The following ANO3 variants were observed in gnomAD, a reference collection of about 807,000 sequenced individuals.
ANO3 encodes anoctamin-3.
Under a neutral mutation model 144.8 loss-of-function variants are expected in ANO3, and 99 were observed. The observed-to-expected ratio is 0.68, with a 90% CI of 0.58 to 0.81. ANO3 has a LOEUF of 0.81. ANO3 is among the 30% of genes least tolerant of loss of function. ANO3 has a pLI of 0.00. For missense variants in ANO3, 905 were observed against 1,202.2 expected (o/e 0.75, Z 3.66); for synonymous variants, 414 against 392.6 (o/e 1.05, Z -0.64).
intron 1 of ANO3, among the ~76,000 whole-genome samples, chr11:26,395,739 CA>C (rs148257144): frequency 0.27 from 40,319 of 151,896 alleles, 5,995 homozygotes; most frequent in African/African-American, 0.4. Context: ...ACTGGCTAGC[CA>C]TATACAGAAA....
chr11:26,522,880 T>G (rs935657235), intron 6 of ANO3, among the ~76,000 whole-genome samples: 1 of 152,112 alleles, frequency 6.6e-6, no homozygotes, highest in African/African-American at 2.4e-5. Flanking sequence ...TTTTTTTTAA[T>G]ATAGCCAAAC....
At chr11:26,296,660 G>A (rs111299812) in intron 1 of ANO3, among the ~76,000 whole-genome samples, 4 of 152,212 alleles carry the variant, frequency 2.6e-5, no homozygotes, top group African/African-American at 9.6e-5. Context: ...GGTGAGACAT[G>A]GGAGATACTT....
intron 4 of ANO3, among the ~76,000 whole-genome samples, chr11:26,507,121 T>C (rs1396098403): frequency 6.6e-6 from 1 of 152,204 alleles, no homozygotes; most frequent in Non-Finnish European, 1.5e-5. Flanking sequence ...GTTCAAGTCC[T>C]GGCTCCTCAT....
chr11:26,329,732 A>G (rs1333064456), upstream of ANO3, among the ~76,000 whole-genome samples: 1 of 152,174 alleles, frequency 6.6e-6, no homozygotes, highest in Non-Finnish European at 1.5e-5. Flanking sequence ...AGGTTGGAGA[A>G]AATCAGGGAT....
chr11:26,565,373 A>G, intron 14 of ANO3: 1 of 1,613,194 alleles, frequency 6.2e-7, no homozygotes, highest in East Asian at 2.2e-5. Flanking sequence ...TGGAACTGTT[A>G]TCAGGAGTTT....
At chr11:26,448,867 G>A (rs1374225618) in intron 3 of ANO3, among the ~76,000 whole-genome samples, 8 of 150,696 alleles carry the variant, frequency 5.3e-5, no homozygotes, top group East Asian at 1.9e-4. Context: ...TCCTGGGTCC[G>A]TCTGCTACCT....
chr11:26,595,460 G>GTTGTTTTTT (rs1301892343), intron 14 of ANO3, among the ~76,000 whole-genome samples: 2 of 101,384 alleles, frequency 2.0e-5, no homozygotes, highest in African/African-American at 4.2e-5. Flanking sequence ...AGATAGAGTT[G>GTTGTTTTTT]TTTTTTTTTT....
chr11:26,382,764 T>C (rs1184676283), intron 1 of ANO3, among the ~76,000 whole-genome samples: 2 of 152,182 alleles, frequency 1.3e-5, no homozygotes, highest in Non-Finnish European at 2.9e-5. Flanking sequence ...ACTGCTTATA[T>C]AATTAGAAGT....
intron 14 of ANO3, among the ~76,000 whole-genome samples, chr11:26,579,587 C>G (rs1301654357): frequency 6.6e-6 from 1 of 152,162 alleles, no homozygotes; most frequent in South Asian, 2.1e-4. Context: ...CATACAAGCT[C>G]TTTAGCTACA....
At chr11:26,363,423 CCT>C (rs756526972) in intron 1 of ANO3, among the ~76,000 whole-genome samples, 4 of 152,036 alleles carry the variant, frequency 2.6e-5, no homozygotes, top group East Asian at 3.9e-4. Context: ...TCTCTGGGGG[CCT>C]CTCTCCTTGA....
chr11:26,637,446 A>G (rs1852997976), intron 20 of ANO3, among the ~76,000 whole-genome samples: 1 of 152,152 alleles, frequency 6.6e-6, no homozygotes, highest in Admixed American at 6.6e-5. Context: ...TTTCATTTCC[A>G]CAGCACCAGT....
At chr11:26,634,434 C>CA (rs1346019937) in intron 19 of ANO3, 119 bp downstream of exon 19, 2 of 632,830 alleles carry the variant, frequency 3.2e-6, no homozygotes. Flanking sequence ...AAAGTTGGCA[C>CA]AAAAAAATAA....
intron 5 of ANO3, among the ~76,000 whole-genome samples, chr11:26,514,055 T>G (rs901042988): frequency 6.6e-6 from 1 of 151,050 alleles, no homozygotes; most frequent in Non-Finnish European, 1.5e-5. Context: ...GGACAAATAT[T>G]CCAAAGAAAC....
intron 1 of ANO3, among the ~76,000 whole-genome samples, chr11:26,408,532 G>A (rs372649020): frequency 1.4e-5 from 2 of 147,972 alleles, no homozygotes; most frequent in Non-Finnish European, 3.0e-5. Context: ...TGGTGGGACT[G>A]TAAACTAGTT....
At chr11:26,471,224 G>T (rs542973317) in intron 4 of ANO3, among the ~76,000 whole-genome samples, 2 of 151,908 alleles carry the variant, frequency 1.3e-5, no homozygotes, top group East Asian at 3.9e-4. Context: ...TGTAGACTCG[G>T]CTTTTCTGTG....
At chr11:26,382,260 A>G (rs1856607751) in intron 1 of ANO3, among the ~76,000 whole-genome samples, 1 of 152,176 alleles carries the variant, frequency 6.6e-6, no homozygotes, top group Non-Finnish European at 1.5e-5. Flanking sequence ...CTCTGCTGAT[A>G]TTATAATAAC....
rs779179292 is a variant in ANO3 at position 26,547,512 on chromosome 11, C to T, written c.1251C>T (p.Phe417=). The change falls in exon 12 of 27, where the codon TTC becomes TTT. Residue 417 remains phenylalanine (F), a synonymous_variant. Transcript: ENST00000256737. ...CAGCAATTGTTGGTTTGTGCGTTTT[C>T]TTCTATGGATTATTTACAATGAATA... ...IPAAIVGLCV[F]FYGLFTMNNS... is the part of the protein sequence containing the mutation. The T allele has an allele frequency of 6.2e-7, 1 of 1,611,894 alleles. No individual in the cohort carries two copies. Among genetic ancestry groups the T allele is most frequent in the South Asian group, 1.1e-5 (1 of 91,038 alleles).
chr11:26,428,300 G>A (rs1262984466), intron 1 of ANO3, among the ~76,000 whole-genome samples: 2 of 152,086 alleles, frequency 1.3e-5, no homozygotes, highest in African/African-American at 4.8e-5. Flanking sequence ...ATATTGAAAA[G>A]GGCCTAAATT....
intron 3 of ANO3, among the ~76,000 whole-genome samples, chr11:26,446,162 G>A (rs1396828652): frequency 2.6e-5 from 4 of 152,050 alleles, no homozygotes; most frequent in East Asian, 1.9e-4. Flanking sequence ...GAAGACGCCC[G>A]GCCTAATATG....
Sources: gnomAD v4.1 joint callset for allele counts (sites outside exome capture counted in the v4.1 genomes callset) on GRCh38, gnomAD v4.1.1 for gene constraint, MANE v1.5 for transcripts, NCBI Gene and HGNC (gene_info 2026-07-23, HGNC 2026-07-21) for gene names.